The following KCNMA1 variants were observed in gnomAD, a reference collection of about 807,000 sequenced individuals.
The protein encoded by KCNMA1 is potassium calcium-activated channel subfamily M alpha 1.
Under a neutral mutation model 140.0 loss-of-function variants are expected in KCNMA1, and 29 were observed. The observed-to-expected ratio is 0.21, with a 90% CI of 0.15 to 0.28. The LOEUF (loss-of-function observed/expected upper bound fraction) is 0.28, where lower values mean the gene tolerates loss of function less well. Among genes scored for constraint, KCNMA1 ranks in the 10% least tolerant of loss-of-function variants. KCNMA1 has a pLI of 1.00. For synonymous variants in KCNMA1, 612 were observed against 611.9 expected (o/e 1.00, Z 0.00); for missense variants, 880 against 1,602.2 (o/e 0.55, Z 7.70).
intron 5 of KCNMA1, among the ~76,000 whole-genome samples, 155 bp from the exon 6 acceptor site, chr10:77,121,203 T>C (rs2097583901): frequency 6.6e-6 from 1 of 152,226 alleles, no homozygotes; most frequent in African/African-American, 2.4e-5. Flanking sequence ...TCCTTCATTC[T>C]GATTCTTGAC....
chr10:77,635,419 C>T (rs993014844), intron 1 of KCNMA1: 6 of 152,206 alleles, frequency 3.9e-5, no homozygotes, highest in African/African-American at 1.4e-4. Context: ...AAAAAGTTCA[C>T]CCAGATCACT....
intron 1 of KCNMA1, among the ~76,000 whole-genome samples, chr10:77,420,891 A>C (rs973294993): frequency 6.6e-6 from 1 of 152,186 alleles, no homozygotes; most frequent in African/African-American, 2.4e-5. Flanking sequence ...TGTATCATGC[A>C]ATGGTACAAT....
intron 2 of KCNMA1, among the ~76,000 whole-genome samples, chr10:77,360,976 G>A (rs753203189): frequency 3.6e-4 from 55 of 152,270 alleles, no homozygotes; most frequent in Non-Finnish European, 3.7e-4. Flanking sequence ...GGGGCTCTCA[G>A]AAGTACTAGG....
At position 77,607,787 on chromosome 10, in the gene KCNMA1, G is replaced by A. The variant is rs535751230; in HGVS notation, c.378+29478C>T. ...CAGGGAAACTGATTTCCGACTTCTC[G>A]CCTTCAGAACTGTAGGAGTATATTT... On this transcript the variant is annotated intron_variant, in intron 1 of 27. Transcript: ENST00000286628. 3.3e-5 allele frequency among the ~76,000 whole-genome samples: 5 copies of A among 152,242 alleles called. No homozygotes were observed. In the East Asian group the frequency reaches 5.8e-4, roughly 18 times the overall value.
intron 1 of KCNMA1, among the ~76,000 whole-genome samples, chr10:77,499,333 G>A (rs1488363761): frequency 2.0e-5 from 3 of 149,060 alleles, no homozygotes; most frequent in Non-Finnish European, 3.0e-5. Flanking sequence ...CTGAAAAGAC[G>A]AAAACAAAAA....
At chr10:77,058,642 A>C (rs1205303085) in intron 14 of KCNMA1, among the ~76,000 whole-genome samples, 1 of 152,142 alleles carries the variant, frequency 6.6e-6, no homozygotes, top group Non-Finnish European at 1.5e-5. Context: ...GAAATTAGGC[A>C]ACACACTTCT....
intron 1 of KCNMA1, among the ~76,000 whole-genome samples, chr10:77,573,419 G>T (rs982424763): frequency 6.6e-6 from 1 of 152,036 alleles, no homozygotes; most frequent in Non-Finnish European, 1.5e-5. Context: ...CTGGGCAGGG[G>T]TGGCCCTCAG....
At chr10:77,321,812 A>T (rs1381068654) in intron 2 of KCNMA1, among the ~76,000 whole-genome samples, 1 of 152,172 alleles carries the variant, frequency 6.6e-6, no homozygotes, top group African/African-American at 2.4e-5. Context: ...GCAGCTTGAA[A>T]GGGTTCCTAG....
intron 21 of KCNMA1, among the ~76,000 whole-genome samples, chr10:76,952,518 A>AAAAAC (rs940912621): frequency 2.0e-5 from 3 of 152,202 alleles, no homozygotes; most frequent in African/African-American, 7.2e-5. Flanking sequence ...TCTGTCTCAA[A>AAAAAC]AAAACAAAAC....
At chr10:77,193,107 T>C (rs745468583) in intron 3 of KCNMA1, among the ~76,000 whole-genome samples, 103 of 152,124 alleles carry the variant, frequency 6.8e-4, no homozygotes, top group Non-Finnish European at 1.2e-3. Context: ...CGGATCTACA[T>C]AAGAGGCAGA....
At chr10:77,306,866 G>A (rs2077889702) in intron 2 of KCNMA1, among the ~76,000 whole-genome samples, 1 of 152,172 alleles carries the variant, frequency 6.6e-6, no homozygotes, top group African/African-American at 2.4e-5. Flanking sequence ...TTTAGGAGGT[G>A]CACAGTAGAT....
chr10:77,031,103 A>G (rs35908963), intron 15 of KCNMA1, among the ~76,000 whole-genome samples: 12,591 of 152,302 alleles, frequency 0.083, 662 homozygotes, highest in Non-Finnish European at 0.12. Context: ...AAAAGCCAAA[A>G]GTGGAAATCG....
intron 1 of KCNMA1, among the ~76,000 whole-genome samples, chr10:77,626,284 T>C (rs1276953397): frequency 6.6e-6 from 1 of 152,092 alleles, no homozygotes; most frequent in Non-Finnish European, 1.5e-5. Context: ...ACATCATTCC[T>C]ATACTCTTCA....
At chr10:77,206,931 T>C (rs2154167148) in intron 3 of KCNMA1, among the ~76,000 whole-genome samples, 1 of 152,208 alleles carries the variant, frequency 6.6e-6, no homozygotes, top group Non-Finnish European at 1.5e-5. Context: ...TGCTCCCACC[T>C]CACTTCCTAT....
intron 1 of KCNMA1, among the ~76,000 whole-genome samples, chr10:77,517,410 T>C (rs2050956077): frequency 6.6e-6 from 1 of 152,194 alleles, no homozygotes; most frequent in Non-Finnish European, 1.5e-5. Context: ...CTCCTAGTGA[T>C]TTTACACCAA....
chr10:77,509,104 G>T (rs1291200722), intron 1 of KCNMA1, among the ~76,000 whole-genome samples: 5 of 78,256 alleles, frequency 6.4e-5, no homozygotes, highest in Admixed American at 6.1e-4. Flanking sequence ...GTTGGGTTTT[G>T]TTGTTGTTGT....
chr10:76,874,743 G>A (rs889462197), downstream of KCNMA1: 11 of 152,280 alleles, frequency 7.2e-5, no homozygotes, highest in South Asian at 2.1e-4. Flanking sequence ...GTTCTCCAAC[G>A]TGCCTTAGTC....
chr10:77,259,384 C>A (rs569997520), intron 2 of KCNMA1, among the ~76,000 whole-genome samples: 1 of 152,232 alleles, frequency 6.6e-6, no homozygotes, highest in South Asian at 2.1e-4. Flanking sequence ...AAGTGCAATA[C>A]TATGAAGCCA....
At chr10:77,222,322 A>G (rs1253269157) in intron 3 of KCNMA1, among the ~76,000 whole-genome samples, 1 of 152,246 alleles carries the variant, frequency 6.6e-6, no homozygotes, top group Non-Finnish European at 1.5e-5. Flanking sequence ...TAGATCTTAT[A>G]GTGACATGCC....
Sources: allele counts gnomAD v4.1 joint callset (sites outside exome capture counted in the v4.1 genomes callset), GRCh38; gene constraint gnomAD v4.1.1; transcripts MANE v1.5; gene names NCBI Gene and HGNC (gene_info 2026-07-23, HGNC 2026-07-21).